Variants in KIF21A observed in about 807,000 individuals in gnomAD.
KIF21A encodes the protein kinesin family member 21A.
In KIF21A, 114 loss-of-function variants were observed where a neutral mutation model predicts 202.9. That is an observed-to-expected ratio of 0.56 (90% confidence interval 0.48 to 0.66). The LOEUF (loss-of-function observed/expected upper bound fraction) is 0.66, where lower values mean the gene tolerates loss of function less well. KIF21A is among the 30% of genes least tolerant of loss of function. KIF21A has a pLI of 0.00. For missense variants in KIF21A, 1,677 were observed against 1,994.9 expected, an observed-to-expected ratio of 0.84 and a Z score of 3.04; for synonymous variants, 667 against 670.8, an observed-to-expected ratio of 0.99 and a Z score of 0.09.
chr12:39,398,632 C>A (rs1369357353), intron 1 of KIF21A, among the ~76,000 whole-genome samples: 2 of 152,154 alleles, frequency 1.3e-5, no homozygotes, highest in Non-Finnish European at 2.9e-5. Context: ...GGAACCACAA[C>A]TTCAAAGGCC....
At chr12:39,368,422 T>C (rs1949742668) in intron 3 of KIF21A, among the ~76,000 whole-genome samples, 4 of 152,198 alleles carry the variant, frequency 2.6e-5, no homozygotes. Flanking sequence ...ACATATTTCC[T>C]GTTGCCCTGA....
chr12:39,301,447 C>G, intron 37 of KIF21A, 33 bp downstream of exon 37: 1 of 1,526,058 alleles, frequency 6.6e-7, no homozygotes. Context: ...CAGAAGCAAC[C>G]AATATAGAGA....
intron 1 of KIF21A, among the ~76,000 whole-genome samples, chr12:39,402,970 T>C (rs1747384737): frequency 6.6e-6 from 1 of 152,204 alleles, no homozygotes; most frequent in Non-Finnish European, 1.5e-5. Flanking sequence ...ATGATTGTTG[T>C]GCTGGTTCAT....
chr12:39,370,300 T>C (rs2139186126), intron 1 of KIF21A, 39 bp from the exon 2 acceptor site: 1 of 1,488,264 alleles, frequency 6.7e-7, no homozygotes, highest in Non-Finnish European at 9.2e-7. Context: ...ATAAAATAAA[T>C]GGCAAAAAAA....
chr12:39,429,729 T>G (rs1411996049), intron 1 of KIF21A, among the ~76,000 whole-genome samples: 1 of 152,092 alleles, frequency 6.6e-6, no homozygotes, highest in East Asian at 1.9e-4. Context: ...ACCAAAGAAA[T>G]TAACCCTATC....
At chr12:39,353,837 G>A (rs1948579470) in intron 10 of KIF21A, among the ~76,000 whole-genome samples, 1 of 151,976 alleles carries the variant, frequency 6.6e-6, no homozygotes, top group Admixed American at 6.6e-5. Flanking sequence ...TGGCCTACAG[G>A]GAGAACATCT....
chr12:39,308,387 CAAAA>C (rs751997520), intron 33 of KIF21A, among the ~76,000 whole-genome samples: 3 of 123,186 alleles, frequency 2.4e-5, no homozygotes, highest in African/African-American at 9.0e-5. Flanking sequence ...GACTCCGTCT[CAAAA>C]AAAAAAAAAA....
chr12:39,433,356 A>AG (rs1230453022), intron 1 of KIF21A, among the ~76,000 whole-genome samples: 1 of 152,076 alleles, frequency 6.6e-6, no homozygotes, highest in East Asian at 1.9e-4. Context: ...TCCAGGTCCC[A>AG]GAAAAAAAAA....
At chr12:39,409,289 T>C (rs993167442) in intron 1 of KIF21A, among the ~76,000 whole-genome samples, 1 of 150,954 alleles carries the variant, frequency 6.6e-6, no homozygotes, top group Admixed American at 6.6e-5. Context: ...GGAGGCTGAG[T>C]TGGGAGGATT....
In KIF21A at chr12:39,357,392, T is replaced by C. The variant is rs551748818; in HGVS notation, c.1261A>G (p.Met421Val). Residue 421 changes from methionine to valine, a missense_variant, in exon 9 of 38, where the codon ATG (methionine) becomes GTG (valine). Around this residue, in one of 3 missense-constraint regions of KIF21A, gnomAD observed 966 missense variants for 1,180.9 expected, o/e 0.82. Coordinates refer to ENST00000361418, the MANE Select transcript of KIF21A (RefSeq NM_001173464.2). Reference sequence around the variant, plus strand: ...TGTAGCATAGCATTCTCATGAAACATGTCATTGATGCTTTCCACACCCTCT... The same window carrying C: ...TGTAGCATAGCATTCTCATGAAACACGTCATTGATGCTTTCCACACCCTCT... ...DEEGVESIND[M>V]FHENAMLQTE... The C allele has an allele frequency of 1.0e-4, 168 of 1,614,126 alleles. No individual in the cohort carries two copies. The Admixed American group carries it at 2.8e-3, about 27-fold the overall frequency.
chr12:39,381,984 A>C (rs79715302), intron 1 of KIF21A, among the ~76,000 whole-genome samples: 6,250 of 152,266 alleles, frequency 0.041, 429 homozygotes, highest in African/African-American at 0.14. Context: ...AAATCCCCAG[A>C]CAATAGCAAG....
In KIF21A at chr12:39,356,895, C is replaced by A. The variant is rs1333883973; in HGVS notation, c.1406G>T (p.Gly469Val). 1.2e-5 allele frequency: 15 copies of A among 1,244,330 alleles called. No individual in the cohort carries two copies. Among genetic ancestry groups the A allele is most frequent in the Admixed American group, 1.7e-5 (1 of 58,158 alleles). The allele number at this position is 1,244,330 out of a possible 1,614,324, so 77.1% of individuals were successfully genotyped here. ...ATTACTAATCTCCTCATTTCCTTCA[C>A]CTGAAAGACAAAATATGAAATAAAA... ...DQANHVLARA[G>V]EGNEEISNMI... The change falls in exon 10 of 38, where the codon GGT becomes GTT. Residue 469 changes from glycine (G) to valine (V), a missense_variant and splice_region_variant. Physicochemically the swap from Gly to Val is moderately radical, Grantham distance 109. Coordinates refer to ENST00000361418, the MANE Select transcript of KIF21A (RefSeq NM_001173464.2).
chr12:39,314,432 T>G (rs1207285360), intron 31 of KIF21A, among the ~76,000 whole-genome samples: 1 of 151,834 alleles, frequency 6.6e-6, no homozygotes. Context: ...GCCATCAAAT[T>G]TACACATATT....
chr12:39,332,002 G>A (rs960846606), intron 21 of KIF21A: 1 of 659,882 alleles, frequency 1.5e-6, no homozygotes, highest in Non-Finnish European at 2.6e-6. Context: ...ATGTAAAGAT[G>A]ACCCATGTGT....
At chr12:39,340,126 A>T in intron 16 of KIF21A, 39 bp downstream of exon 16, 1 of 1,506,326 alleles carries the variant, frequency 6.6e-7, no homozygotes, top group Admixed American at 1.7e-5. Flanking sequence ...ACAAAATCAT[A>T]CTGAACATCA....
intron 17 of KIF21A, among the ~76,000 whole-genome samples, chr12:39,334,200 C>CAAAAA (rs576176350): frequency 4.1e-4 from 26 of 63,428 alleles, no homozygotes; most frequent in Admixed American, 5.4e-4. Flanking sequence ...GACTCCATCT[C>CAAAAA]AAAAAAAAAA....
At chr12:39,421,543 A>G (rs1184859201) in intron 1 of KIF21A, among the ~76,000 whole-genome samples, 2 of 151,862 alleles carry the variant, frequency 1.3e-5, no homozygotes, top group East Asian at 3.9e-4. Flanking sequence ...AAATACACAA[A>G]TTAGCCGGGT....
intron 16 of KIF21A, among the ~76,000 whole-genome samples, chr12:39,338,694 A>C (rs1947186805): frequency 6.6e-6 from 1 of 152,190 alleles, no homozygotes; most frequent in Admixed American, 6.6e-5. Flanking sequence ...AAGTCACACA[A>C]ATTTATTTGG....
intron 37 of KIF21A, 49 bp from the exon 38 acceptor site, chr12:39,294,566 T>A (rs112390035): frequency 7.5e-7 from 1 of 1,333,932 alleles, no homozygotes; most frequent in Non-Finnish European, 1.1e-6. Flanking sequence ...GGCAGAAAGA[T>A]AAAGAAATAG....
Sources: gnomAD v4.1 joint callset for allele counts (sites outside exome capture counted in the v4.1 genomes callset) on GRCh38, gnomAD v4.1.1 for gene constraint, gnomAD v4.1.1 regional missense constraint, MANE v1.5 for transcripts, NCBI Gene and HGNC (gene_info 2026-07-23, HGNC 2026-07-21) for gene names.